Variants in TMEM150C observed in about 807,000 individuals in gnomAD.
The protein encoded by TMEM150C is transmembrane protein 150C, also known as tentonin 3.
Under a neutral mutation model 29.9 loss-of-function variants are expected in TMEM150C, and 10 were observed. That is an observed-to-expected ratio of 0.33 (90% CI 0.21 to 0.57). The LOEUF (loss-of-function observed/expected upper bound fraction) is 0.57, where lower values mean the gene tolerates loss of function less well. Ranked by LOEUF, TMEM150C falls within the 20% of genes least tolerant of loss-of-function variation. The pLI, the probability that TMEM150C is intolerant of heterozygous loss-of-function variation, is 0.88. For missense variants in TMEM150C, 251 were observed against 303.6 expected (o/e 0.83, Z 1.29); for synonymous variants, 101 against 112.5 (o/e 0.90, Z 0.64).
At chr4:82,550,330 G>C (rs1197945596) in intron 1 of TMEM150C, among the ~76,000 whole-genome samples, 2 of 152,158 alleles carry the variant, frequency 1.3e-5, no homozygotes. Context: ...TAAGTTTGCT[G>C]AGGCCTCCCT....
chr4:82,491,274 T>C, intron 6 of TMEM150C: 1 of 680,390 alleles, frequency 1.5e-6, no homozygotes, highest in African/African-American at 1.8e-5. Flanking sequence ...CTTCTCAGCC[T>C]GGGCCAACAG....
intron 1 of TMEM150C, among the ~76,000 whole-genome samples, chr4:82,527,090 T>A (rs576235962): frequency 7.3e-6 from 1 of 136,062 alleles, no homozygotes; most frequent in African/African-American, 2.8e-5. Flanking sequence ...AGAGTAAACC[T>A]CAGGTATTTC....
At chr4:82,544,227 T>C (rs1725284147) in intron 1 of TMEM150C, among the ~76,000 whole-genome samples, 1 of 152,200 alleles carries the variant, frequency 6.6e-6, no homozygotes. Context: ...AGGTCAATCA[T>C]ACATGTAGTG....
intron 1 of TMEM150C, among the ~76,000 whole-genome samples, chr4:82,507,387 G>A (rs1011233369): frequency 2.0e-5 from 3 of 152,182 alleles, no homozygotes; most frequent in African/African-American, 7.2e-5. Context: ...GGGTTAACAA[G>A]ATAATTCTAA....
At chr4:82,504,710 T>C in intron 1 of TMEM150C, 43 bp from the exon 2 acceptor site, 1 of 1,504,848 alleles carries the variant, frequency 6.6e-7, no homozygotes, top group Non-Finnish European at 9.2e-7. Context: ...GGCAAAACAT[T>C]TACTTCACTC....
intron 1 of TMEM150C, among the ~76,000 whole-genome samples, chr4:82,545,912 G>C (rs1267582739): frequency 6.7e-6 from 1 of 148,798 alleles, no homozygotes; most frequent in Non-Finnish European, 1.5e-5. Context: ...ATGACAGAGG[G>C]AGACTCTGTC....
chr4:82,485,472 C>T lies in TMEM150C; in HGVS notation c.*39G>A. On this transcript the variant is annotated 3_prime_UTR_variant, in exon 8 of 8. Coordinates refer to ENST00000449862, the MANE Select transcript of TMEM150C (RefSeq NM_001080506.3). ...GTGTGTCCTACTGGCCCCTCCCCCACTGTCACACCCACCTCACCAGCAAGG... is the reference window on the plus strand; with the variant it reads ...GTGTGTCCTACTGGCCCCTCCCCCATTGTCACACCCACCTCACCAGCAAGG... 2.0e-6 allele frequency: 3 copies of T among 1,526,028 alleles called. No homozygotes were observed. The highest frequency in any genetic ancestry group is 2.7e-6 in the Non-Finnish European group (3 of 1,121,138). 94.5% of individuals were successfully genotyped at this position (1,526,028 alleles called of 1,614,324 possible).
chr4:82,507,776 T>G (rs1723988119), intron 1 of TMEM150C, among the ~76,000 whole-genome samples: 1 of 121,888 alleles, frequency 8.2e-6, no homozygotes, highest in African/African-American at 3.1e-5. Context: ...TGAGACACGA[T>G]CTCGCTTTGT....
rs556574006 is a variant in TMEM150C, at chr4:82,539,602, G to A, written c.-11+22304C>T. On this transcript the variant is annotated intron_variant, in intron 1 of 7. Transcript: ENST00000449862. ...CGAGTAGCTGGGACTACAGGCGCCC[G>A]CCACCACGCCCGGCTAATTTTTTGT... is the stretch of plus-strand genomic sequence containing the variant. Among the ~76,000 whole-genome samples, 74 of 152,130 alleles carry A rather than the reference G, an allele frequency of 4.9e-4. No individual in the cohort carries two copies. The South Asian group carries it at 0.012, about 24-fold the overall frequency.
chr4:82,531,425 AT>A (rs1312684712), intron 1 of TMEM150C, among the ~76,000 whole-genome samples: 1 of 152,072 alleles, frequency 6.6e-6, no homozygotes, highest in Non-Finnish European at 1.5e-5. Context: ...GAGAACACTC[AT>A]GTTTAGGGGG....
chr4:82,532,096 G>A (rs1342411632), intron 1 of TMEM150C, among the ~76,000 whole-genome samples: 1 of 152,216 alleles, frequency 6.6e-6, no homozygotes, highest in African/African-American at 2.4e-5. Context: ...TGTTTTTTGA[G>A]AGAGCTACAG....
chr4:82,539,458 A>ACTTTTT, intron 1 of TMEM150C, among the ~76,000 whole-genome samples: 1 of 120,330 alleles, frequency 8.3e-6, no homozygotes, highest in South Asian at 2.4e-4. Context: ...AATCCAAACA[A>ACTTTTT]CTTTTTTTTT....
At chr4:82,535,524 A>G (rs1477676105) in intron 1 of TMEM150C, among the ~76,000 whole-genome samples, 1 of 152,246 alleles carries the variant, frequency 6.6e-6, no homozygotes, top group Non-Finnish European at 1.5e-5. Context: ...TGGGGAAGCC[A>G]CAGGTACACC....
intron 1 of TMEM150C, among the ~76,000 whole-genome samples, chr4:82,533,232 C>T (rs77063118): frequency 0.055 from 8,430 of 152,174 alleles, 245 homozygotes; most frequent in South Asian, 0.076. Context: ...CATAAAGTAA[C>T]GCATTCATTT....
chr4:82,529,477 T>A (rs1462877444), intron 1 of TMEM150C, among the ~76,000 whole-genome samples: 3 of 151,966 alleles, frequency 2.0e-5, no homozygotes, highest in African/African-American at 7.3e-5. Flanking sequence ...TTTCTAGAGA[T>A]GGGATCTCAC....
At chr4:82,497,307 G>A (rs1289228480) in intron 5 of TMEM150C, among the ~76,000 whole-genome samples, 4 of 152,076 alleles carry the variant, frequency 2.6e-5, no homozygotes, top group Non-Finnish European at 5.9e-5. Context: ...TTATTTTGAC[G>A]TTAAGGTTCA....
At chr4:82,513,762 C>T (rs1724206520) in intron 1 of TMEM150C, among the ~76,000 whole-genome samples, 1 of 152,134 alleles carries the variant, frequency 6.6e-6, no homozygotes, top group Non-Finnish European at 1.5e-5. Context: ...AAGGGTTTTG[C>T]CTTCCCTCCC....
At chr4:82,507,727 CTTTTTTTTTTTTTTTTTTTTTTTTTT>C (rs869112887) in intron 1 of TMEM150C, among the ~76,000 whole-genome samples, 3 of 20,594 alleles carry the variant, frequency 1.5e-4, no homozygotes, top group East Asian at 2.2e-3. Context: ...CTCTCTCTCT[CTTTTTTTTTTTTTTTTTTTTTTTTTT>C]TTTTTTTTTT....
At chr4:82,512,963 C>T (rs534816458) in intron 1 of TMEM150C, among the ~76,000 whole-genome samples, 1 of 152,294 alleles carries the variant, frequency 6.6e-6, no homozygotes, top group Admixed American at 6.5e-5. Flanking sequence ...ATAAAACTTC[C>T]ATCTCCCTGG....
Sources: gnomAD v4.1 joint callset for allele counts (sites outside exome capture counted in the v4.1 genomes callset) on GRCh38, gnomAD v4.1.1 for gene constraint, MANE v1.5 for transcripts, NCBI Gene and HGNC (gene_info 2026-07-23, HGNC 2026-07-21) for gene names.